The following PLXNB1 variants were observed in gnomAD, a reference collection of about 807,000 sequenced individuals.
The protein encoded by PLXNB1 is plexin B1.
In PLXNB1, 106 loss-of-function variants were observed where a neutral mutation model predicts 209.4. That is an observed-to-expected ratio of 0.51 (90% CI 0.43 to 0.59). The LOEUF is 0.59. Ranked by LOEUF, PLXNB1 falls within the 20% of genes least tolerant of loss-of-function variation. The probability of loss-of-function intolerance (pLI) is 0.00; values close to 1 mark genes in which losing one functional copy is unlikely to be tolerated. For missense variants in PLXNB1, 2,357 were observed against 2,853.2 expected, an observed-to-expected ratio of 0.83 and a Z score of 3.96; for synonymous variants, 1,167 against 1,183.2, an observed-to-expected ratio of 0.99 and a Z score of 0.28.
chr3:48,418,564 C>A lies in PLXNB1; in HGVS notation c.2956-22G>T. The A allele has an allele frequency of 1.3e-6, 2 of 1,561,940 alleles. No individual in the cohort carries two copies. Among genetic ancestry groups the A allele is most frequent in the East Asian group, 2.4e-5 (1 of 41,688 alleles). The stretch of plus-strand genomic sequence containing the variant: ...TGAGCTGGAGAAATGGGAGTGGGTT[C>A]AGAGTCAAGCACTGGGGGAAGTGTC... On this transcript the variant is annotated intron_variant, in intron 13 of 37. Coordinates refer to ENST00000296440, the MANE Select transcript of PLXNB1 (RefSeq NM_001130082.3). The surrounding 1 kb of genome is among the most constrained non-coding windows in gnomAD (Gnocchi z 6.6).
Position 48,404,291 on chromosome 3 carries a change from C to T in PLXNB1, c.*195G>A. On this transcript the variant is annotated 3_prime_UTR_variant, in exon 38 of 38. Transcript: ENST00000296440. ...TCGGGGAGCAGGCTGGGTACTACCC[C>T]ATGAGCCTTGAGGCCCCGGGTCTAG... 1 of 579,594 alleles carries T rather than the reference C, an allele frequency of 1.7e-6. No individual in the cohort carries two copies. 35.9% of individuals were successfully genotyped at this position (579,594 alleles called of 1,614,324 possible).
At chr3:48,412,395 C>T in intron 26 of PLXNB1, 47 bp downstream of exon 26, 2 of 1,611,360 alleles carry the variant, frequency 1.2e-6, no homozygotes, top group Non-Finnish European at 1.7e-6. Context: ...GGCCCCACCC[C>T]AGCTCCAGCT....
intron 1 of PLXNB1, among the ~76,000 whole-genome samples, chr3:48,426,264 C>T (rs2038890061): frequency 6.6e-6 from 1 of 152,184 alleles, no homozygotes; most frequent in African/African-American, 2.4e-5. Flanking sequence ...CCACACAGAC[C>T]CCTTCTTGGG....
chr3:48,416,315 G>A lies in PLXNB1; in HGVS notation c.3480+31C>T. 1 of 1,583,622 alleles carries A rather than the reference G, an allele frequency of 6.3e-7. No individual in the cohort carries two copies. Among genetic ancestry groups the A allele is most frequent in the Non-Finnish European group, 8.7e-7 (1 of 1,155,534 alleles). The stretch of plus-strand genomic sequence containing the variant: ...GAGCCACCAGAGAGGTTGGCCCGCT[G>A]GCAGCTGGGGGTGGCTCAGCAGTCA... On this transcript the variant is annotated intron_variant, in intron 17 of 37. Transcript: ENST00000296440. The surrounding 1 kb of genome is among the most constrained non-coding windows in gnomAD (Gnocchi z 4.1).
Position 48,413,593 on chromosome 3 carries a change from C to T in PLXNB1, c.4535+77G>A, listed in dbSNP as rs1484464907. Reference sequence around the variant, plus strand: ...ATTTACAGAGAATGTTTCCTGACTCCTGGCCCGGTCTGTCCCTTCCCAGTC... The same window carrying T: ...ATTTACAGAGAATGTTTCCTGACTCTTGGCCCGGTCTGTCCCTTCCCAGTC... On this transcript the variant is annotated intron_variant, in intron 23 of 37. Transcript: ENST00000296440. The surrounding 1 kb of genome is among the most constrained non-coding windows in gnomAD (Gnocchi z 5.4). 2.1e-6 allele frequency: 3 copies of T among 1,434,590 alleles called. No homozygotes were observed. The highest frequency in any genetic ancestry group is 2.8e-6 in the Non-Finnish European group (3 of 1,062,546). 88.9% of individuals were successfully genotyped at this position (1,434,590 alleles called of 1,614,324 possible).
Position 48,422,059 on chromosome 3 carries a change from C to T in PLXNB1, c.1520+46G>A, listed in dbSNP as rs769971555. ...TCTGGACAGGACAATTATGCAGGAG[C>T]ATTGTGGGCTTGAGGCTGGGGCTGG... On this transcript the variant is annotated intron_variant, in intron 6 of 37. Coordinates refer to ENST00000296440, the MANE Select transcript of PLXNB1 (RefSeq NM_001130082.3). 2.0e-6 allele frequency: 3 copies of T among 1,509,324 alleles called. No individual in the cohort carries two copies. The South Asian group carries it at 3.4e-5, about 17-fold the overall frequency. The allele number at this position is 1,509,324 out of a possible 1,614,324, so 93.5% of individuals were successfully genotyped here.
Position 48,410,346 on chromosome 3 carries a change from C to T in PLXNB1, c.5555G>A (p.Cys1852Tyr). ...PDGATVALVPCLTKHVLRENQ... is the reference protein window; with the variant it reads ...PDGATVALVPYLTKHVLRENQ... ...TTCCCGGAGCACATGCTTGGTGAGG[C>T]AGGGGACGAGGGCCACAGTTGCTCC... The change falls in exon 31 of 38, where the codon TGC (cysteine) becomes TAC (tyrosine). Residue 1852 changes from cysteine (C) to tyrosine (Y), a missense_variant. Cys to Tyr is a radical substitution (Grantham distance 194, BLOSUM62 -2). Transcript: ENST00000296440. This position sits in a 1 kb window ranked among gnomAD's most constrained non-coding sequence, Gnocchi z 6.4. 1 of 1,613,338 alleles carries T rather than the reference C, an allele frequency of 6.2e-7. No individual in the cohort carries two copies. The highest frequency in any genetic ancestry group is 8.5e-7 in the Non-Finnish European group (1 of 1,179,548).
chr3:48,405,645 G>C lies in PLXNB1; in HGVS notation c.6303+79C>G, dbSNP rs751762093. 49 of 1,123,332 alleles carry C rather than the reference G, an allele frequency of 4.4e-5. No homozygotes were observed. The highest frequency in any genetic ancestry group is 6.2e-5 in the Non-Finnish European group (47 of 755,382). 69.6% of individuals were successfully genotyped at this position (1,123,332 alleles called of 1,614,324 possible). A position where few individuals can be genotyped will look rare whatever the true frequency, so the allele number is the denominator to read the frequency against. ...TGGGGAAGACCAAAGCCCCCAACGT[G>C]AGTCACAGGGTCAGAGCCCCTTAAG... On this transcript the variant is annotated intron_variant, in intron 37 of 37. Coordinates refer to ENST00000296440, the MANE Select transcript of PLXNB1 (RefSeq NM_001130082.3). This position sits in a 1 kb window ranked among gnomAD's most constrained non-coding sequence, Gnocchi z 5.0.
In PLXNB1 at chr3:48,405,932, G is replaced by C. The variant is rs1292619740; in HGVS notation, c.6229-134C>G. On this transcript the variant is annotated intron_variant, in intron 36 of 37. Transcript: ENST00000296440. The surrounding 1 kb of genome is among the most constrained non-coding windows in gnomAD (Gnocchi z 5.0). The stretch of plus-strand genomic sequence containing the variant: ...AGAGAATGGGATGGGCACTACAGTG[G>C]GAAGCAGAGTCCCCTCCATGGCCCA... 1.7e-5 allele frequency: 12 copies of C among 688,540 alleles called. No individual in the cohort carries two copies. The highest frequency in any genetic ancestry group is 3.1e-5 in the Non-Finnish European group (12 of 389,516). The allele number at this position is 688,540 out of a possible 1,614,324, so 42.7% of individuals were successfully genotyped here. A position where few individuals can be genotyped will look rare whatever the true frequency, so the allele number is the denominator to read the frequency against.
rs759798749 is a variant in PLXNB1 at position 48,419,245 on chromosome 3, T to A, written c.2831A>T (p.Gln944Leu). 1 of 1,568,794 alleles carries A rather than the reference T, an allele frequency of 6.4e-7. No homozygotes were observed. The highest frequency in any genetic ancestry group is 1.8e-5 in the Admixed American group (1 of 54,882). Reference sequence around the variant, plus strand: ...CAGCGGCAGGCAGGACACACTGACCTGGAAAAGGTGCAGGTTCCTGCCTAG... The same window carrying A: ...CAGCGGCAGGCAGGACACACTGACCAGGAAAAGGTGCAGGTTCCTGCCTAG... ...RLLGRNLHLF[Q>L]DGPGDNECVM... Residue 944 changes from glutamine to leucine, a missense_variant and splice_region_variant, in exon 12 of 38, where the codon CAG becomes CTG. By Grantham distance (113) the Gln-to-Leu change is moderately radical. Transcript: ENST00000296440. This position sits in a 1 kb window ranked among gnomAD's most constrained non-coding sequence, Gnocchi z 5.7.
At chr3:48,412,989 C>G in intron 24 of PLXNB1, 30 bp from the exon 25 acceptor site, 1 of 1,611,386 alleles carries the variant, frequency 6.2e-7, no homozygotes, top group South Asian at 1.1e-5. Flanking sequence ...AGGTTAAGCA[C>G]CTGTTAAGCA....
chr3:48,409,919 G>A lies in PLXNB1; in HGVS notation c.5764C>T (p.Leu1922=). Residue 1922 remains leucine, a synonymous_variant, in exon 32 of 38, where the codon CTG becomes TTG. Transcript: ENST00000296440. The surrounding 1 kb of genome is among the most constrained non-coding windows in gnomAD (Gnocchi z 5.8). ...CCCCACCCCACCTTCATGGACAGCA[G>A]GCGGGTCAGGTAGATCTCAGGGATG... is the stretch of plus-strand genomic sequence containing the variant. ...KAIPEIYLTR[L]LSMKGTLQKF... 6.2e-7 allele frequency: 1 copy of A among 1,611,242 alleles called. No homozygotes were observed. Among genetic ancestry groups the A allele is most frequent in the Non-Finnish European group, 8.5e-7 (1 of 1,179,010 alleles).
Position 48,423,806 on chromosome 3 carries a change from T to A in PLXNB1, c.806A>T (p.Glu269Val). 5 of 1,613,906 alleles carry A rather than the reference T, an allele frequency of 3.1e-6. No individual in the cohort carries two copies. The highest frequency in any genetic ancestry group is 4.2e-6 in the Non-Finnish European group (5 of 1,179,984). ...YSYVELPLAC[E>V]GGRYGLIQAA... ...CTGGATCAGCCCGTAGCGGCCACCT[T>A]CGCAGGCCAGAGGCAACTCCACATA... Residue 269 changes from glutamate (E) to valine (V), a missense_variant, in exon 3 of 38, where the codon GAA (glutamate) becomes GTA (valine). By Grantham distance (121) the Glu-to-Val change is moderately radical. Transcript: ENST00000296440.
Position 48,410,830 on chromosome 3 carries a change from C to T in PLXNB1, c.5416+38G>A, listed in dbSNP as rs890166614. The T allele has an allele frequency of 3.8e-6, 6 of 1,581,944 alleles. No homozygotes were observed. Among genetic ancestry groups the T allele is most frequent in the African/African-American group, 1.3e-5 (1 of 74,384 alleles). On this transcript the variant is annotated intron_variant, in intron 29 of 37. Coordinates refer to ENST00000296440, the MANE Select transcript of PLXNB1 (RefSeq NM_001130082.3). This position sits in a 1 kb window ranked among gnomAD's most constrained non-coding sequence, Gnocchi z 6.4. ...TGGTCCGGGGCCAGCCCAGGCCCAA[C>T]AGTGGCTCAGGTCCCCAGGGGCTCT...
In PLXNB1 at chr3:48,419,828, G is replaced by A. The variant is rs776352646; in HGVS notation, c.2458C>T (p.Pro820Ser). Residue 820 changes from proline (P) to serine (S), a missense_variant, in exon 11 of 38, where the codon CCT (proline) becomes TCT (serine). By Grantham distance (74) the Pro-to-Ser change is moderately conservative. Around this residue, in one of 7 missense-constraint regions of PLXNB1, gnomAD observed 410 missense variants for 401.0 expected, o/e 1.02. Transcript: ENST00000296440. This position sits in a 1 kb window ranked among gnomAD's most constrained non-coding sequence, Gnocchi z 5.7. The part of the protein sequence containing the change: ...LHPTVPLDLP[P>S]ATVPATTFPG... ...AAAGTGGTGGCAGGAACAGTGGCAG[G>A]GGGCAGGTCCAGGGGCACTGTGGGA... 5.7e-6 allele frequency: 9 copies of A among 1,582,294 alleles called. No individual in the cohort carries two copies. The South Asian group carries it at 9.2e-5, about 16-fold the overall frequency.
At chr3:48,422,034 T>C in intron 6 of PLXNB1, 71 bp downstream of exon 6, 2 of 1,435,972 alleles carry the variant, frequency 1.4e-6, no homozygotes, top group Non-Finnish European at 9.8e-7. Flanking sequence ...GGTCAGGAAT[T>C]CTGGACAGGA....
Position 48,410,634 on chromosome 3 carries a change from A to C in PLXNB1, c.5417-76T>G. The C allele has an allele frequency of 8.0e-7, 1 of 1,244,560 alleles. No homozygotes were observed. 77.1% of individuals were successfully genotyped at this position (1,244,560 alleles called of 1,614,324 possible). A position where few individuals can be genotyped will look rare whatever the true frequency, so the allele number is the denominator to read the frequency against. On this transcript the variant is annotated intron_variant, in intron 29 of 37. Coordinates refer to ENST00000296440, the MANE Select transcript of PLXNB1 (RefSeq NM_001130082.3). This position sits in a 1 kb window ranked among gnomAD's most constrained non-coding sequence, Gnocchi z 6.4. ...TAGTGGAGCCCATCTCCTCCTCCAC[A>C]GGGACACCAGCCCCTCCATCATGGG...
Position 48,416,304 on chromosome 3 carries a change from G to A in PLXNB1, c.3480+42C>T. The A allele has an allele frequency of 1.3e-6, 2 of 1,568,708 alleles. No homozygotes were observed. Among genetic ancestry groups the A allele is most frequent in the South Asian group, 2.3e-5 (2 of 88,760 alleles). On this transcript the variant is annotated intron_variant, in intron 17 of 37. Transcript: ENST00000296440. The surrounding 1 kb of genome is among the most constrained non-coding windows in gnomAD (Gnocchi z 4.1). ...TGGGTTGAGAGGAGCCACCAGAGAG[G>A]TTGGCCCGCTGGCAGCTGGGGGTGG...
At chr3:48,407,394 G>A (rs755180688) in intron 34 of PLXNB1, among the ~76,000 whole-genome samples, 15 of 152,152 alleles carry the variant, frequency 9.9e-5, no homozygotes, top group Non-Finnish European at 2.2e-4. Context: ...ACGTAGGGCA[G>A]GACGCATGCT....
Sources: allele counts gnomAD v4.1 joint callset (sites outside exome capture counted in the v4.1 genomes callset), GRCh38; gene constraint gnomAD v4.1.1; regional missense constraint gnomAD v4.1.1; non-coding constraint Gnocchi (gnomAD v3.1); transcripts MANE v1.5; gene names NCBI Gene and HGNC (gene_info 2026-07-23, HGNC 2026-07-21).